SLC35F4: variants seen among roughly 807,000 people sequenced by gnomAD.
The protein encoded by SLC35F4 is solute carrier family 35 member F4, also known as chromosome 14 open reading frame 36.
A neutral mutation model predicts 44.2 loss-of-function variants in SLC35F4; 24 were observed. That is an observed-to-expected ratio of 0.54 (90% CI 0.39 to 0.76). The LOEUF (loss-of-function observed/expected upper bound fraction) is 0.76. SLC35F4 is among the 30% of genes least tolerant of loss of function. The probability of loss-of-function intolerance (pLI) is 0.00; values close to 1 mark genes in which losing one functional copy is unlikely to be tolerated. For synonymous variants in SLC35F4, 238 were observed against 223.6 expected, an observed-to-expected ratio of 1.06 and a Z score of -0.57; for missense variants, 562 against 586.1, an observed-to-expected ratio of 0.96 and a Z score of 0.42.
intron 1 of SLC35F4, among the ~76,000 whole-genome samples, chr14:57,888,966 T>C (rs1303466859): frequency 6.6e-6 from 1 of 152,260 alleles, no homozygotes; most frequent in Non-Finnish European, 1.5e-5. Context: ...GTATATGCCA[T>C]GAGCCAGTCC....
At chr14:57,815,760 C>T (rs117975705) in intron 1 of SLC35F4, among the ~76,000 whole-genome samples, 2,168 of 152,204 alleles carry the variant, frequency 0.014, 25 homozygotes, top group Middle Eastern at 0.051. Context: ...TCCCAGGATG[C>T]TTGACTAGCC....
chr14:57,687,412 T>C (rs2075098383), intron 1 of SLC35F4, among the ~76,000 whole-genome samples: 2 of 152,238 alleles, frequency 1.3e-5, no homozygotes, highest in Admixed American at 1.3e-4. Flanking sequence ...CACCTATGAC[T>C]GGTCTCCAAT....
At chr14:57,716,456 T>C (rs1343058408) in intron 1 of SLC35F4, among the ~76,000 whole-genome samples, 4 of 152,186 alleles carry the variant, frequency 2.6e-5, no homozygotes, top group Non-Finnish European at 5.9e-5. Context: ...GTTCCAATAA[T>C]AGAACACTAG....
At chr14:57,917,525 T>C (rs141728807) in intron 1 of SLC35F4, among the ~76,000 whole-genome samples, 2,183 of 152,300 alleles carry the variant, frequency 0.014, 30 homozygotes, top group Non-Finnish European at 0.022. Context: ...CTTTTTTGCC[T>C]TCAATGTGAC....
intron 1 of SLC35F4, among the ~76,000 whole-genome samples, chr14:57,827,079 T>C (rs1883858828): frequency 6.6e-6 from 1 of 152,056 alleles, no homozygotes; most frequent in Admixed American, 6.6e-5. Context: ...TGCAGCACTA[T>C]TCACAATAGC....
chr14:57,653,446 C>G (rs2073858185), intron 1 of SLC35F4, among the ~76,000 whole-genome samples: 1 of 152,172 alleles, frequency 6.6e-6, no homozygotes, highest in Non-Finnish European at 1.5e-5. Context: ...TCACTTTACA[C>G]CAGAGATTAA....
intron 1 of SLC35F4, among the ~76,000 whole-genome samples, chr14:57,686,539 G>A (rs2075073175): frequency 6.6e-6 from 1 of 152,158 alleles, no homozygotes; most frequent in Non-Finnish European, 1.5e-5. Flanking sequence ...TGTTCAGCAT[G>A]AGAGCCTTTT....
chr14:57,581,253 C>T lies in SLC35F4; in HGVS notation c.768G>A (p.Leu256=). The T allele has an allele frequency of 1.2e-6, 2 of 1,606,090 alleles. No individual in the cohort carries two copies. Among genetic ancestry groups the T allele is most frequent in the South Asian group, 2.2e-5 (2 of 89,506 alleles). Residue 256 remains leucine, a synonymous_variant, in exon 4 of 8, where the codon CTG becomes CTA. Transcript: ENST00000556826. The part of the protein sequence containing the change: ...FCCNKAFVFL[L]SWIVLKDRFM... ...ACCTGTCTTTCAGCACAATCCATGA[C>T]AGCAAGAAGACAAAGGCTTTGTTAC...
chr14:57,834,383 A>G (rs1884690924), intron 1 of SLC35F4, among the ~76,000 whole-genome samples: 1 of 152,266 alleles, frequency 6.6e-6, no homozygotes, highest in Non-Finnish European at 1.5e-5. Context: ...ACAGTAAGCT[A>G]TAAAAATGTC....
chr14:57,870,566 T>G (rs528117822), upstream of SLC35F4, among the ~76,000 whole-genome samples: 1 of 152,342 alleles, frequency 6.6e-6, no homozygotes, highest in East Asian at 1.9e-4. Flanking sequence ...TCAGTACTAT[T>G]TTTATGCAGA....
intron 1 of SLC35F4, among the ~76,000 whole-genome samples, chr14:57,749,241 C>T (rs1417730913): frequency 6.6e-6 from 1 of 152,036 alleles, no homozygotes; most frequent in Non-Finnish European, 1.5e-5. Context: ...CTGTTGTCAT[C>T]CTTTTTGTTT....
chr14:57,802,690 T>C (rs1029938031), intron 1 of SLC35F4, among the ~76,000 whole-genome samples: 1 of 152,150 alleles, frequency 6.6e-6, no homozygotes, highest in Non-Finnish European at 1.5e-5. Flanking sequence ...TAAATACTTC[T>C]ATGCACATAA....
At chr14:57,694,052 C>T (rs764113637) in intron 1 of SLC35F4, among the ~76,000 whole-genome samples, 28 of 152,200 alleles carry the variant, frequency 1.8e-4, no homozygotes, top group East Asian at 3.9e-4. Flanking sequence ...GAAAAGTAAA[C>T]GAACTGAAGA....
downstream of SLC35F4, among the ~76,000 whole-genome samples, chr14:57,972,636 A>G (rs1881087720): frequency 1.3e-5 from 2 of 151,998 alleles, no homozygotes; most frequent in Admixed American, 1.3e-4. Context: ...TTTGGGGCTG[A>G]TTCATAGCAG....
At position 57,632,699 on chromosome 14, in the gene SLC35F4, C is replaced by T. The variant is rs866738151; in HGVS notation, c.104-38575G>A. Among the ~76,000 whole-genome samples the T allele has an allele frequency of 3.3e-5, 5 of 152,086 alleles. No individual in the cohort carries two copies. The Middle Eastern group carries it at 0.014, about 414-fold the overall frequency. The stretch of plus-strand genomic sequence containing the variant: ...ATTAGGGTTCACTCTTGGTGTCATA[C>T]CTTCTATGGGTTTTTTGTTTTTGTT... On this transcript the variant is annotated intron_variant, in intron 1 of 7. Transcript: ENST00000556826.
chr14:57,580,090 GGACT>G (rs1432452288), intron 4 of SLC35F4, among the ~76,000 whole-genome samples: 1 of 152,102 alleles, frequency 6.6e-6, no homozygotes, highest in Non-Finnish European at 1.5e-5. Context: ...ATGGTATCAT[GGACT>G]GACTCACAGT....
At chr14:57,600,720 C>CA (rs2070777571) in intron 1 of SLC35F4, among the ~76,000 whole-genome samples, 1 of 122,914 alleles carries the variant, frequency 8.1e-6, no homozygotes, top group African/African-American at 3.0e-5. Context: ...AAAAAAAAAA[C>CA]CAAAAAGATA....
intron 1 of SLC35F4, among the ~76,000 whole-genome samples, chr14:57,855,765 A>G (rs554403150): frequency 6.6e-6 from 1 of 152,362 alleles, no homozygotes; most frequent in East Asian, 1.9e-4. Context: ...CACTATGCAC[A>G]TTAGCAAAGA....
At chr14:57,873,189 C>A (rs1262666904) in intron 1 of SLC35F4, among the ~76,000 whole-genome samples, 1 of 152,162 alleles carries the variant, frequency 6.6e-6, no homozygotes, top group East Asian at 1.9e-4. Flanking sequence ...GTATGTCCCC[C>A]TGGCTACCCC....
Sources: allele counts gnomAD v4.1 joint callset (sites outside exome capture counted in the v4.1 genomes callset), GRCh38; gene constraint gnomAD v4.1.1; transcripts MANE v1.5; gene names NCBI Gene and HGNC (gene_info 2026-07-23, HGNC 2026-07-21).